The following PTCRA variants were observed in gnomAD, a reference collection of about 807,000 sequenced individuals.
The protein encoded by PTCRA is pre T-cell antigen receptor alpha.
A neutral mutation model predicts 13.4 loss-of-function variants in PTCRA; 9 were observed. The observed-to-expected ratio is 0.67, with a 90% CI of 0.41 to 1.18. The LOEUF is 1.18. Among genes scored for constraint, PTCRA ranks in the 50% most tolerant of loss-of-function variants. The pLI is 0.01. For missense variants in PTCRA, 353 were observed against 359.8 expected, an observed-to-expected ratio of 0.98 and a Z score of 0.15; for synonymous variants, 153 against 161.9, an observed-to-expected ratio of 0.94 and a Z score of 0.42.
chr6:42,920,115 T>C (rs895450556), intron 1 of PTCRA, among the ~76,000 whole-genome samples: 15 of 151,762 alleles, frequency 9.9e-5, no homozygotes, highest in Admixed American at 9.2e-4. Flanking sequence ...GGCAAGGAGA[T>C]GGAGACCATC....
chr6:42,922,004 G>A (rs780345799), intron 1 of PTCRA, among the ~76,000 whole-genome samples: 62 of 151,814 alleles, frequency 4.1e-4, no homozygotes, highest in Non-Finnish European at 7.9e-4. Flanking sequence ...CAGTCTGGGA[G>A]ACGTAGCAAG....
intron 1 of PTCRA, among the ~76,000 whole-genome samples, chr6:42,919,274 G>T (rs930358377): frequency 1.3e-5 from 2 of 152,092 alleles, no homozygotes; most frequent in Non-Finnish European, 2.9e-5. Context: ...GAATAAAAGC[G>T]TGAGCCACCA....
At chr6:42,921,067 G>A (rs2114124546) in intron 1 of PTCRA, among the ~76,000 whole-genome samples, 1 of 151,710 alleles carries the variant, frequency 6.6e-6, no homozygotes, top group East Asian at 1.9e-4. Context: ...AAAGTGCTGG[G>A]ATTACAAGCA....
At chr6:42,920,556 A>C (rs1442982737) in intron 1 of PTCRA, among the ~76,000 whole-genome samples, 1 of 148,598 alleles carries the variant, frequency 6.7e-6, no homozygotes, top group Non-Finnish European at 1.5e-5. Flanking sequence ...TCCCGAGTAA[A>C]TGGGACTACA....
At chr6:42,922,401 G>A in intron 1 of PTCRA, 2 of 602,636 alleles carry the variant, frequency 3.3e-6, no homozygotes. Context: ...ACAAGTGGAT[G>A]GAAGGAGAGG....
At chr6:42,921,134 T>C (rs1014889117) in intron 1 of PTCRA, among the ~76,000 whole-genome samples, 6 of 149,328 alleles carry the variant, frequency 4.0e-5, no homozygotes, top group Non-Finnish European at 8.9e-5. Flanking sequence ...CAGAATCTTG[T>C]GCTGTTGCCC....
rs914899779 is a variant in PTCRA, at chr6:42,925,322, G to C, written c.486G>C (p.Leu162=). The part of the protein sequence containing the change: ...VLRLLLFKLL[L]FDLLLTCSCL... ...GGCTGCTGCTCTTCAAGCTGCTGCT[G>C]TTTGACCTGCTCCTGACCTGCAGCT... The change falls in exon 4 of 4, where the codon CTG becomes CTC. Residue 162 remains leucine (L), a synonymous_variant. Transcript: ENST00000304672. This position sits in a 1 kb window ranked among gnomAD's most constrained non-coding sequence, Gnocchi z 4.4. 4.4e-6 allele frequency: 7 copies of C among 1,585,878 alleles called. No homozygotes were observed. In the East Asian group the frequency reaches 1.6e-4, roughly 36 times the overall value.
In PTCRA at chr6:42,918,950, T is replaced by C. The variant is rs532763575; in HGVS notation, c.58+2823T>C. Among the ~76,000 whole-genome samples, 19 of 151,206 alleles carry C rather than the reference T, an allele frequency of 1.3e-4. 1 individual carries two copies. The South Asian group carries it at 3.8e-3, about 30-fold the overall frequency. Reference sequence around the variant, plus strand: ...GACTACAGGTGCCTGCCACCATGCCTGGCTAATTTTTTGTATTTTTAGTAG... The same window carrying C: ...GACTACAGGTGCCTGCCACCATGCCCGGCTAATTTTTTGTATTTTTAGTAG... On this transcript the variant is annotated intron_variant, in intron 1 of 3. Transcript: ENST00000304672.
chr6:42,923,130 C>G lies in PTCRA; in HGVS notation c.162C>G (p.Pro54=). ...VVVCLVLDVA[P]PGLDSPIWFS... ...TCTGCCTGGTCCTTGATGTTGCACC[C>G]CCTGGCCTTGACAGCCCCATCTGGT... is the stretch of plus-strand genomic sequence containing the variant. The change falls in exon 2 of 4, where the codon CCC becomes CCG. Residue 54 remains proline, a synonymous_variant. Coordinates refer to ENST00000304672, the MANE Select transcript of PTCRA (RefSeq NM_138296.3). 1 of 1,614,228 alleles carries G rather than the reference C, an allele frequency of 6.2e-7. No homozygotes were observed. The highest frequency in any genetic ancestry group is 8.5e-7 in the Non-Finnish European group (1 of 1,180,040).
rs753541240 is a variant in PTCRA, at chr6:42,925,568, C to A, written c.732C>A (p.Pro244=). 6.2e-7 allele frequency: 1 copy of A among 1,600,698 alleles called. No individual in the cohort carries two copies. Among genetic ancestry groups the A allele is most frequent in the Admixed American group, 1.7e-5 (1 of 58,356 alleles). ...AAGGGTCTTACCTCAGCAGTTACCCCACTTGCCCAGCACAGGCCTGGTGCT... is the reference window on the plus strand; with the variant it reads ...AAGGGTCTTACCTCAGCAGTTACCCAACTTGCCCAGCACAGGCCTGGTGCT... ...WGEGSYLSSY[P]TCPAQAWCSR... is the part of the protein sequence containing the mutation. The change falls in exon 4 of 4, where the codon CCC becomes CCA. Residue 244 remains proline (P), a synonymous_variant. Transcript: ENST00000304672. The surrounding 1 kb of genome is among the most constrained non-coding windows in gnomAD (Gnocchi z 4.4).
At chr6:42,924,431 A>G (rs751941016) in intron 3 of PTCRA, 158 bp downstream of exon 3, 11 of 690,272 alleles carry the variant, frequency 1.6e-5, no homozygotes, top group Non-Finnish European at 2.6e-5. Context: ...ACTGGCTAGC[A>G]TGGGCCTCAG....
chr6:42,922,697 G>A lies in PTCRA; in HGVS notation c.59-330G>A, dbSNP rs572152822. Among the ~76,000 whole-genome samples the A allele has an allele frequency of 8.6e-5, 13 of 150,602 alleles. 1 individual carries two copies. The East Asian group carries it at 1.8e-3, about 20-fold the overall frequency. ...GGAACTTGCAGTGAGCTGAGATCGC[G>A]CCACTGCACTCTAGCCTGGGCAACA... On this transcript the variant is annotated intron_variant, in intron 1 of 3. Transcript: ENST00000304672.
chr6:42,918,469 G>T (rs973256228), intron 1 of PTCRA, among the ~76,000 whole-genome samples: 1 of 151,804 alleles, frequency 6.6e-6, no homozygotes, highest in African/African-American at 2.4e-5. Flanking sequence ...CAGGAGAATC[G>T]CTTGAACCCC....
intron 1 of PTCRA, among the ~76,000 whole-genome samples, chr6:42,916,415 CT>C (rs1766880734): frequency 6.6e-6 from 1 of 152,158 alleles, no homozygotes; most frequent in South Asian, 2.1e-4. Context: ...GGCTGCCCCT[CT>C]TAGAGGTATA....
At chr6:42,924,694 C>T (rs1020841305) in intron 3 of PTCRA, among the ~76,000 whole-genome samples, 7 of 152,006 alleles carry the variant, frequency 4.6e-5, no homozygotes, top group Non-Finnish European at 7.4e-5. Context: ...ATTTTGAGGC[C>T]GGGTGCGGTG....
Position 42,925,759 on chromosome 6 carries a change from T to A in PTCRA, c.*77T>A, listed in dbSNP as rs1767409100. The A allele has an allele frequency of 1.0e-6, 1 of 991,040 alleles. No homozygotes were observed. The highest frequency in any genetic ancestry group is 1.4e-6 in the Non-Finnish European group (1 of 691,266). The allele number at this position is 991,040 out of a possible 1,614,324, so 61.4% of individuals were successfully genotyped here. A position where few individuals can be genotyped will look rare whatever the true frequency, so the allele number is the denominator to read the frequency against. On this transcript the variant is annotated 3_prime_UTR_variant, in exon 4 of 4. Coordinates refer to ENST00000304672, the MANE Select transcript of PTCRA (RefSeq NM_138296.3). The surrounding 1 kb of genome is among the most constrained non-coding windows in gnomAD (Gnocchi z 4.4). ...CATCCAAAAGGGGGCCCCTTGAGAA[T>A]GGTGATCCACCCAGTTACAGGGGCA...
rs1303874092 is a variant in PTCRA at position 42,925,290 on chromosome 6, G to T, written c.454G>T (p.Val152Phe). The change falls in exon 4 of 4, where the codon GTC becomes TTC. Residue 152 changes from valine (V) to phenylalanine (F), a missense_variant. Physicochemically the swap from Val to Phe is conservative, Grantham distance 50. Coordinates refer to ENST00000304672, the MANE Select transcript of PTCRA (RefSeq NM_138296.3). This position sits in a 1 kb window ranked among gnomAD's most constrained non-coding sequence, Gnocchi z 4.4. ...GTPGGALWLG[V>F]LRLLLFKLLL... The stretch of plus-strand genomic sequence containing the variant: ...ACCGGGTGGGGCGCTGTGGCTGGGG[G>T]TCCTGCGGCTGCTGCTCTTCAAGCT... 2.5e-6 allele frequency: 4 copies of T among 1,590,362 alleles called. No homozygotes were observed. Among genetic ancestry groups the T allele is most frequent in the Non-Finnish European group, 1.7e-6 (2 of 1,175,526 alleles).
chr6:42,916,121 C>T lies in PTCRA; in HGVS notation c.52C>T (p.Pro18Ser). 1 of 1,613,954 alleles carries T rather than the reference C, an allele frequency of 6.2e-7. No individual in the cohort carries two copies. ...LLLALGCPAL[P>S]TGVGGTPFPS... ...CCTGGCCCTTGGGTGTCCAGCCCTA[C>T]CCACAGGTGAGCCCCCTCTTTGCCT... Residue 18 changes from proline to serine, a missense_variant, in exon 1 of 4, where the codon CCC becomes TCC. Transcript: ENST00000304672.
chr6:42,922,694 C>T (rs1459728939), intron 1 of PTCRA, among the ~76,000 whole-genome samples: 12 of 150,406 alleles, frequency 8.0e-5, no homozygotes, highest in Middle Eastern at 3.4e-3. Context: ...GAGCTGAGAT[C>T]GCGCCACTGC....
Sources: gnomAD v4.1 joint callset for allele counts (sites outside exome capture counted in the v4.1 genomes callset) on GRCh38, gnomAD v4.1.1 for gene constraint, Gnocchi (gnomAD v3.1) non-coding constraint, MANE v1.5 for transcripts, NCBI Gene and HGNC (gene_info 2026-07-23, HGNC 2026-07-21) for gene names.